Variants in AUTS2 observed in about 807,000 individuals in gnomAD.
The protein encoded by AUTS2 is activator of transcription and developmental regulator AUTS2, also known as autism susceptibility gene 2 protein.
Under a neutral mutation model 112.4 loss-of-function variants are expected in AUTS2, and 17 were observed. That is an observed-to-expected ratio of 0.15 (90% CI 0.10 to 0.23). The LOEUF (loss-of-function observed/expected upper bound fraction) is 0.23. Among genes scored for constraint, AUTS2 ranks in the 10% least tolerant of loss-of-function variants. The probability of loss-of-function intolerance (pLI) is 1.00; values close to 1 mark genes in which losing one functional copy is unlikely to be tolerated. For missense variants in AUTS2, 1,510 were observed against 1,701.6 expected, an observed-to-expected ratio of 0.89 and a Z score of 1.98; for synonymous variants, 751 against 702.7, an observed-to-expected ratio of 1.07 and a Z score of -1.09.
intron 4 of AUTS2, among the ~76,000 whole-genome samples, chr7:70,412,956 C>T (rs937110738): frequency 4.6e-5 from 7 of 152,288 alleles, no homozygotes; most frequent in Non-Finnish European, 7.4e-5. Context: ...CACCACTGCA[C>T]TGCAGTCTGG....
intron 4 of AUTS2, among the ~76,000 whole-genome samples, chr7:70,417,717 G>T (rs1285493571): frequency 6.6e-6 from 1 of 152,204 alleles, no homozygotes; most frequent in East Asian, 1.9e-4. Context: ...GCCTGAGATG[G>T]TATGGCAGGT....
At chr7:70,462,944 C>G (rs141786897) in intron 5 of AUTS2, among the ~76,000 whole-genome samples, 2 of 150,234 alleles carry the variant, frequency 1.3e-5, no homozygotes, top group Non-Finnish European at 3.0e-5. Flanking sequence ...GGTGACAGAG[C>G]GAGACTCCGT....
chr7:69,710,864 A>C (rs371855428), intron 1 of AUTS2, among the ~76,000 whole-genome samples: 5 of 152,144 alleles, frequency 3.3e-5, no homozygotes, highest in African/African-American at 1.2e-4. Flanking sequence ...AGGAGTTGTT[A>C]AGCTGTGTGC....
chr7:70,576,220 G>A (rs1389930786), intron 5 of AUTS2, among the ~76,000 whole-genome samples: 2 of 152,062 alleles, frequency 1.3e-5, no homozygotes. Flanking sequence ...TTCCCCTCTT[G>A]CCCCAAGTTC....
chr7:70,134,971 T>G lies in AUTS2; in HGVS notation c.660+400T>G, dbSNP rs79755608. Among the ~76,000 whole-genome samples, 241 of 152,334 alleles carry G rather than the reference T, an allele frequency of 1.6e-3. 1 individual carries two copies. Among genetic ancestry groups the G allele is most frequent in the African/African-American group, 4.9e-3 (204 of 41,584 alleles). On this transcript the variant is annotated intron_variant, in intron 4 of 18. Coordinates refer to ENST00000342771, the MANE Select transcript of AUTS2 (RefSeq NM_015570.4). ...TTGAATAACATCTCTTCATATACAA[T>G]GAGTTGCCTTTTTTGGTGGGGAGGA...
chr7:69,643,653 C>T (rs958695871), intron 1 of AUTS2, among the ~76,000 whole-genome samples: 1 of 152,066 alleles, frequency 6.6e-6, no homozygotes, highest in Middle Eastern at 3.2e-3. Flanking sequence ...ACCCCGCCCC[C>T]AGCACAGAAC....
At chr7:69,805,978 C>T (rs2129342819) in intron 1 of AUTS2, among the ~76,000 whole-genome samples, 1 of 151,978 alleles carries the variant, frequency 6.6e-6, no homozygotes, top group Admixed American at 6.5e-5. Flanking sequence ...AGCTCAACTA[C>T]ATCCTCAAAC....
chr7:70,552,152 A>G (rs900950943), intron 5 of AUTS2, among the ~76,000 whole-genome samples: 2 of 152,134 alleles, frequency 1.3e-5, no homozygotes, highest in Admixed American at 1.3e-4. Flanking sequence ...GAAAAAGTGA[A>G]TTCTAAATTG....
At chr7:70,495,932 T>TCA (rs773711549) in intron 5 of AUTS2, among the ~76,000 whole-genome samples, 30 of 70,002 alleles carry the variant, frequency 4.3e-4, no homozygotes, top group Admixed American at 9.9e-4. Flanking sequence ...ACGTACACAG[T>TCA]CACACACACA....
intron 5 of AUTS2, among the ~76,000 whole-genome samples, chr7:70,491,462 A>ATATACACATAATATATATGT (rs1562989942): frequency 2.3e-5 from 2 of 86,502 alleles, no homozygotes; most frequent in Non-Finnish European, 5.2e-5. Context: ...TATATATGTT[A>ATATACACATAATATATATGT]TATATACACA....
intron 3 of AUTS2, among the ~76,000 whole-genome samples, chr7:70,132,031 T>C (rs1353696685): frequency 6.6e-6 from 1 of 151,838 alleles, no homozygotes; most frequent in Non-Finnish European, 1.5e-5. Flanking sequence ...AAAAATGTGG[T>C]GAAAAGGGTT....
At chr7:70,016,345 C>T (rs750014832) in intron 2 of AUTS2, among the ~76,000 whole-genome samples, 7 of 152,142 alleles carry the variant, frequency 4.6e-5, no homozygotes, top group Non-Finnish European at 1.0e-4. Context: ...TTCACTATTT[C>T]CTTCTGTAGT....
intron 5 of AUTS2, among the ~76,000 whole-genome samples, chr7:70,579,181 G>A (rs112534820): frequency 0.012 from 1,621 of 137,850 alleles, 22 homozygotes; most frequent in Middle Eastern, 0.059. Context: ...CACCCATCTC[G>A]GCCTCCACAA....
intron 5 of AUTS2, among the ~76,000 whole-genome samples, chr7:70,619,887 A>AC: frequency 6.6e-6 from 1 of 152,148 alleles, no homozygotes; most frequent in African/African-American, 2.4e-5. Context: ...CCCATGGCTC[A>AC]CCCCCACACC....
intron 1 of AUTS2, among the ~76,000 whole-genome samples, chr7:69,849,250 T>C (rs991547090): frequency 4.6e-5 from 7 of 152,222 alleles, no homozygotes; most frequent in African/African-American, 1.2e-4. Flanking sequence ...TCTTGTGACC[T>C]TCAACAAGTT....
In AUTS2 at chr7:70,417,798, C is replaced by G. The variant is rs533894504; in HGVS notation, c.661-17954C>G. On this transcript the variant is annotated intron_variant, in intron 4 of 18. Coordinates refer to ENST00000342771, the MANE Select transcript of AUTS2 (RefSeq NM_015570.4). ...GCCTGGGGCCTCTCATCATGACCAT[C>G]TGCTTTTCTCCTATCCTGAAGGGCA... Among the ~76,000 whole-genome samples, 5 of 152,292 alleles carry G rather than the reference C, an allele frequency of 3.3e-5. No individual in the cohort carries two copies. In the East Asian group the frequency reaches 9.7e-4, roughly 29 times the overall value.
At chr7:70,728,611 G>T (rs1021471769) in intron 6 of AUTS2, among the ~76,000 whole-genome samples, 3 of 151,636 alleles carry the variant, frequency 2.0e-5, no homozygotes, top group African/African-American at 7.3e-5. Flanking sequence ...GGGAGGCTAA[G>T]GCGGGAAAAT....
chr7:70,559,188 T>C (rs901236182), intron 5 of AUTS2, among the ~76,000 whole-genome samples: 14 of 152,194 alleles, frequency 9.2e-5, no homozygotes, highest in Non-Finnish European at 1.5e-5. Flanking sequence ...TCTACCATGA[T>C]TGTGAGGCCT....
intron 2 of AUTS2, among the ~76,000 whole-genome samples, chr7:70,025,943 G>C (rs571671380): frequency 6.6e-6 from 1 of 152,250 alleles, no homozygotes; most frequent in Admixed American, 6.5e-5. Context: ...ACTATCCTAA[G>C]AAGATGAGAT....
Sources: gnomAD v4.1 joint callset for allele counts (sites outside exome capture counted in the v4.1 genomes callset) on GRCh38, gnomAD v4.1.1 for gene constraint, MANE v1.5 for transcripts, NCBI Gene and HGNC (gene_info 2026-07-23, HGNC 2026-07-21) for gene names.